The following MTUS2 variants were observed in gnomAD, a reference collection of about 807,000 sequenced individuals.
MTUS2 encodes microtubule-associated tumor suppressor candidate 2.
In MTUS2, 40 loss-of-function variants were observed where a neutral mutation model predicts 114.1. The ratio of observed to expected loss-of-function variants is 0.35; its 90% CI spans 0.27 to 0.46. The LOEUF is 0.46. MTUS2 is among the 20% of genes least tolerant of loss of function. The pLI is 1.00. For synonymous variants in MTUS2, 688 were observed against 672.0 expected (o/e 1.02, Z -0.37); for missense variants, 1,679 against 1,705.4 (o/e 0.98, Z 0.27).
intron 7 of MTUS2, among the ~76,000 whole-genome samples, chr13:29,357,783 A>G (rs540887346): frequency 2.6e-5 from 4 of 152,230 alleles, no homozygotes; most frequent in Non-Finnish European, 4.4e-5. Context: ...AAGTCAGAAT[A>G]ATTTACGATA....
chr13:28,938,627 T>G (rs964699668), intron 2 of MTUS2, among the ~76,000 whole-genome samples: 1 of 152,136 alleles, frequency 6.6e-6, no homozygotes, highest in African/African-American at 2.4e-5. Flanking sequence ...TACCCAAGTA[T>G]GAGATGCCCC....
intron 5 of MTUS2, among the ~76,000 whole-genome samples, chr13:29,231,898 A>T (rs1896338891): frequency 6.6e-6 from 1 of 152,090 alleles, no homozygotes; most frequent in Non-Finnish European, 1.5e-5. Context: ...GAAGAAAATT[A>T]TTTTCTCACA....
At chr13:28,837,268 T>G (rs1007246227) in intron 1 of MTUS2, among the ~76,000 whole-genome samples, 2 of 152,222 alleles carry the variant, frequency 1.3e-5, no homozygotes, top group African/African-American at 4.8e-5. Flanking sequence ...TAACAAATTC[T>G]CTTTGTGGTT....
chr13:29,472,154 ATCTGGG>A (rs1459207870), intron 9 of MTUS2, among the ~76,000 whole-genome samples: 4 of 152,006 alleles, frequency 2.6e-5, no homozygotes, highest in African/African-American at 9.7e-5. Flanking sequence ...CCTCCCAAGT[ATCTGGG>A]ATTACAGGCA....
At chr13:29,424,820 A>G (rs958097022) in intron 8 of MTUS2, among the ~76,000 whole-genome samples, 7 of 152,060 alleles carry the variant, frequency 4.6e-5, no homozygotes, top group Non-Finnish European at 1.0e-4. Context: ...GAACAAGTCA[A>G]TGGCATGGCA....
chr13:29,047,745 C>T (rs1311986619), intron 4 of MTUS2, among the ~76,000 whole-genome samples: 3 of 152,086 alleles, frequency 2.0e-5, no homozygotes, highest in Admixed American at 6.5e-5. Context: ...GATCTCCTGA[C>T]GTGATGCGCC....
intron 2 of MTUS2, among the ~76,000 whole-genome samples, chr13:28,935,021 T>G (rs1002764734): frequency 1.1e-4 from 16 of 146,628 alleles, no homozygotes; most frequent in African/African-American, 1.8e-4. Flanking sequence ...TTTTTTTTTT[T>G]TTTTTTTTTT....
chr13:29,213,172 G>T (rs1419834524), intron 5 of MTUS2, among the ~76,000 whole-genome samples: 2 of 152,218 alleles, frequency 1.3e-5, no homozygotes, highest in African/African-American at 4.8e-5. Context: ...GTCAGAAATT[G>T]GGGGCAGAGA....
At chr13:29,115,877 A>G (rs1891067194) in intron 5 of MTUS2, among the ~76,000 whole-genome samples, 2 of 152,208 alleles carry the variant, frequency 1.3e-5, no homozygotes, top group African/African-American at 4.8e-5. Flanking sequence ...CTGATTCTTT[A>G]AAAAGAAGTC....
intron 2 of MTUS2, among the ~76,000 whole-genome samples, chr13:28,910,028 T>G (rs1437180550): frequency 6.6e-6 from 1 of 152,234 alleles, no homozygotes; most frequent in Non-Finnish European, 1.5e-5. Flanking sequence ...TTATCCTTTG[T>G]GTTACAATCC....
chr13:28,870,722 A>G (rs1016341788), intron 2 of MTUS2, among the ~76,000 whole-genome samples: 2 of 152,204 alleles, frequency 1.3e-5, no homozygotes, highest in Non-Finnish European at 2.9e-5. Flanking sequence ...CTGCAGAGCT[A>G]TAATTTGTTT....
intron 7 of MTUS2, among the ~76,000 whole-genome samples, chr13:29,327,646 C>T (rs189167647): frequency 7.2e-5 from 11 of 152,130 alleles, no homozygotes; most frequent in African/African-American, 2.7e-4. Context: ...GGCTTTCCCC[C>T]CAGAACTTGG....
intron 5 of MTUS2, among the ~76,000 whole-genome samples, chr13:29,221,705 A>G (rs958242253): frequency 1.3e-5 from 2 of 151,956 alleles, no homozygotes; most frequent in African/African-American, 4.8e-5. Context: ...ATTCTTTTTC[A>G]TTATGATTTG....
intron 6 of MTUS2, among the ~76,000 whole-genome samples, chr13:29,324,086 C>T (rs1900373758): frequency 6.6e-6 from 1 of 152,210 alleles, no homozygotes; most frequent in East Asian, 1.9e-4. Context: ...GGCTTAGCTG[C>T]AGCCAAGAGA....
chr13:29,173,610 G>A (rs1927831), intron 5 of MTUS2, among the ~76,000 whole-genome samples: 112,298 of 151,936 alleles, frequency 0.74, 41,593 homozygotes, highest in East Asian at 0.77. Flanking sequence ...CTTTAGGAAA[G>A]AATTATAGTT....
chr13:29,381,843 A>G (rs1872232652), intron 8 of MTUS2, among the ~76,000 whole-genome samples: 1 of 146,014 alleles, frequency 6.8e-6, no homozygotes, highest in Non-Finnish European at 1.5e-5. Context: ...ACCTCTCCCT[A>G]TTTTGATCAC....
At chr13:29,019,826 T>A (rs969997707) in intron 2 of MTUS2, among the ~76,000 whole-genome samples, 5 of 152,246 alleles carry the variant, frequency 3.3e-5, no homozygotes, top group Admixed American at 2.0e-4. Context: ...GACTTCAGGT[T>A]CCCTGGTGCT....
chr13:29,385,473 C>T (rs930192996), intron 8 of MTUS2, among the ~76,000 whole-genome samples: 48 of 152,170 alleles, frequency 3.2e-4, no homozygotes, highest in African/African-American at 1.1e-3. Flanking sequence ...CTCCATAAAC[C>T]TTTTCTTAGG....
At chr13:29,207,679 A>T (rs979389807) in intron 5 of MTUS2, among the ~76,000 whole-genome samples, 1 of 152,146 alleles carries the variant, frequency 6.6e-6, no homozygotes, top group African/African-American at 2.4e-5. Context: ...TATTGAGATG[A>T]TCATGTTATT....
Sources: allele counts gnomAD v4.1 joint callset (sites outside exome capture counted in the v4.1 genomes callset), GRCh38; gene constraint gnomAD v4.1.1; transcripts MANE v1.5; gene names NCBI Gene and HGNC (gene_info 2026-07-23, HGNC 2026-07-21).